ESRRB: variants seen among roughly 807,000 people sequenced by gnomAD.
ESRRB encodes the protein estrogen related receptor beta.
In ESRRB, 16 loss-of-function variants were observed where a neutral mutation model predicts 46.0. That is an observed-to-expected ratio of 0.35 (90% CI 0.24 to 0.53). The LOEUF (loss-of-function observed/expected upper bound fraction) is 0.53. ESRRB is among the 20% of genes least tolerant of loss of function. The pLI is 0.93. For missense variants in ESRRB, 488 were observed against 607.4 expected (o/e 0.80, Z 2.07); for synonymous variants, 246 against 259.6 (o/e 0.95, Z 0.50).
At chr14:76,488,367 G>A (rs1352398284) in intron 5 of ESRRB, among the ~76,000 whole-genome samples, 2 of 152,068 alleles carry the variant, frequency 1.3e-5, no homozygotes, top group African/African-American at 4.8e-5. Flanking sequence ...CAGAGGTTTG[G>A]GAACAGGCCT....
chr14:76,367,758 G>C (rs1884540616), upstream of ESRRB, among the ~76,000 whole-genome samples: 1 of 151,992 alleles, frequency 6.6e-6, no homozygotes, highest in African/African-American at 2.4e-5. Context: ...GGCAGTCCAG[G>C]GAACCCGAGC....
chr14:76,454,315 C>CTCATATA (rs1360956201), intron 2 of ESRRB, among the ~76,000 whole-genome samples: 1 of 152,244 alleles, frequency 6.6e-6, no homozygotes, highest in East Asian at 1.9e-4. Flanking sequence ...AGATACTGTA[C>CTCATATA]TTGAGATACA....
chr14:76,495,560 T>C (rs1425834074), intron 6 of ESRRB: 1 of 150,980 alleles, frequency 6.6e-6, no homozygotes, highest in African/African-American at 2.4e-5. Flanking sequence ...TTTTTTTTTT[T>C]TTAAGTAATG....
chr14:76,424,392 G>A (rs775573902), intron 1 of ESRRB, among the ~76,000 whole-genome samples: 4 of 152,198 alleles, frequency 2.6e-5, no homozygotes, highest in Admixed American at 6.5e-5. Flanking sequence ...CTCCTGGGGC[G>A]CTGGCTGATC....
rs769949276 is a variant in ESRRB at position 76,376,471 on chromosome 14, G to A, written c.50+20G>A. On this transcript the variant is annotated intron_variant, in intron 1 of 6. Coordinates refer to ENST00000644823, the MANE Select transcript of ESRRB (RefSeq NM_001379180.1). The surrounding 1 kb of genome is among the most constrained non-coding windows in gnomAD (Gnocchi z 4.1). ...CAACCAGTAGGTGCCCTGCTTCTCG[G>A]TCTGTCTGTCCTTCTGCCCGTCTGG... The A allele has an allele frequency of 3.2e-5, 39 of 1,230,934 alleles. No homozygotes were observed. Among genetic ancestry groups the A allele is most frequent in the Non-Finnish European group, 3.8e-5 (38 of 987,380 alleles). 76.3% of individuals were successfully genotyped at this position (1,230,934 alleles called of 1,614,324 possible). A position where few individuals can be genotyped will look rare whatever the true frequency, so the allele number is the denominator to read the frequency against.
At chr14:76,373,352 A>G (rs188560619), upstream of ESRRB, among the ~76,000 whole-genome samples, 257 of 152,294 alleles carry the variant, frequency 1.7e-3, 2 homozygotes, top group Middle Eastern at 3.4e-3. Flanking sequence ...ACCCCTGTAC[A>G]GCCTCTGTTT....
At chr14:76,384,254 T>G (rs1227502268) in intron 1 of ESRRB, among the ~76,000 whole-genome samples, 2 of 152,218 alleles carry the variant, frequency 1.3e-5, no homozygotes, top group African/African-American at 4.8e-5. Flanking sequence ...GAAAGAACAC[T>G]GCTTTTACAG....
intron 1 of ESRRB, among the ~76,000 whole-genome samples, chr14:76,316,903 C>G (rs1883807157): frequency 6.6e-6 from 1 of 152,176 alleles, no homozygotes; most frequent in Non-Finnish European, 1.5e-5. Context: ...GTCATGCTCT[C>G]TCCTCTCCCC....
chr14:76,407,309 G>A (rs1886230380), intron 1 of ESRRB: 1 of 152,520 alleles, frequency 6.6e-6, no homozygotes, highest in African/African-American at 2.4e-5. Context: ...ACAACTAGCT[G>A]TCACTTTTTA....
At chr14:76,404,087 T>G (rs1273720473) in intron 1 of ESRRB, among the ~76,000 whole-genome samples, 1 of 152,122 alleles carries the variant, frequency 6.6e-6, no homozygotes, top group Non-Finnish European at 1.5e-5. Flanking sequence ...CTCAAATATC[T>G]GGTGTGCTTT....
chr14:76,378,853 T>C (rs1017972496), intron 1 of ESRRB, among the ~76,000 whole-genome samples: 5 of 152,112 alleles, frequency 3.3e-5, no homozygotes, highest in Non-Finnish European at 7.4e-5. Flanking sequence ...TTCTTTGGTT[T>C]GGTAGAAGGA....
At chr14:76,478,543 G>A (rs1438599457) in intron 3 of ESRRB, among the ~76,000 whole-genome samples, 2 of 152,004 alleles carry the variant, frequency 1.3e-5, no homozygotes, top group Non-Finnish European at 2.9e-5. Flanking sequence ...TAGGAGAGAA[G>A]GTCAGTAAAG....
At chr14:76,420,938 A>G (rs1475929489) in intron 1 of ESRRB, among the ~76,000 whole-genome samples, 1 of 152,128 alleles carries the variant, frequency 6.6e-6, no homozygotes, top group African/African-American at 2.4e-5. Context: ...TGTCCCCTGC[A>G]GTGAGGTGTG....
At chr14:76,475,103 A>C (rs1595155538) in intron 3 of ESRRB, among the ~76,000 whole-genome samples, 1 of 152,038 alleles carries the variant, frequency 6.6e-6, no homozygotes, top group Non-Finnish European at 1.5e-5. Flanking sequence ...GTGTCATGGC[A>C]TGTGCCTATG....
At chr14:76,469,253 C>T (rs145004318) in intron 3 of ESRRB, among the ~76,000 whole-genome samples, 38 of 152,224 alleles carry the variant, frequency 2.5e-4, no homozygotes, top group African/African-American at 8.7e-4. Context: ...GCCACCATGC[C>T]CAGCTAAGTT....
intron 1 of ESRRB, among the ~76,000 whole-genome samples, chr14:76,382,955 T>G (rs990761182): frequency 1.1e-4 from 17 of 152,236 alleles, no homozygotes; most frequent in Non-Finnish European, 2.4e-4. Flanking sequence ...CTGGAAAATT[T>G]TATTATATTT....
At chr14:76,495,670 G>A (rs1016540497) in intron 6 of ESRRB, 4 of 151,444 alleles carry the variant, frequency 2.6e-5, no homozygotes, top group Non-Finnish European at 5.9e-5. Flanking sequence ...AAGTACCTGT[G>A]ATGAAGGACC....
intron 1 of ESRRB, among the ~76,000 whole-genome samples, chr14:76,385,305 A>C (rs925752550): frequency 4.6e-5 from 7 of 152,140 alleles, no homozygotes; most frequent in Non-Finnish European, 8.8e-5. Flanking sequence ...CCCCCAAGGA[A>C]TGCAAGCAAG....
At position 76,414,984 on chromosome 14, in the gene ESRRB, C is replaced by A. The variant is rs553150493; in HGVS notation, c.51-24357C>A. Among the ~76,000 whole-genome samples, 7 of 152,332 alleles carry A rather than the reference C, an allele frequency of 4.6e-5. No individual in the cohort carries two copies. In the South Asian group the frequency reaches 1.4e-3, roughly 32 times the overall value. On this transcript the variant is annotated intron_variant, in intron 1 of 6. Coordinates refer to ENST00000644823, the MANE Select transcript of ESRRB (RefSeq NM_001379180.1). ...TTTTAAATTCTATGAAAACTCTACA[C>A]CTGAGTGCCCCCAGCCTTGGTTTGT...
Sources: gnomAD v4.1 joint callset for allele counts (sites outside exome capture counted in the v4.1 genomes callset) on GRCh38, gnomAD v4.1.1 for gene constraint, Gnocchi (gnomAD v3.1) non-coding constraint, MANE v1.5 for transcripts, NCBI Gene and HGNC (gene_info 2026-07-23, HGNC 2026-07-21) for gene names.